Variants in OR1J2 observed in about 807,000 individuals in gnomAD.
OR1J2 encodes the protein olfactory receptor family 1 subfamily J member 2, also known as olfactory receptor 1J2.
For synonymous variants in OR1J2, 142 were observed against 99.7 expected (o/e 1.42, Z -2.52); for missense variants, 304 against 246.1 (o/e 1.24, Z -1.57).
chr9:122,509,572 C>G (rs1187685448), upstream of OR1J2, among the ~76,000 whole-genome samples: 2 of 152,154 alleles, frequency 1.3e-5, no homozygotes, highest in African/African-American at 4.8e-5. Flanking sequence ...GCCAGGGAAT[C>G]ACAAGAAATC....
chr9:122,497,035 G>A, the OR1J2 span, among the ~76,000 whole-genome samples: 1 of 152,092 alleles, frequency 6.6e-6, no homozygotes, highest in Admixed American at 6.6e-5. Flanking sequence ...CTCACACCAT[G>A]TCTCCTTCCC....
the OR1J2 span, among the ~76,000 whole-genome samples, chr9:122,544,656 G>A: frequency 6.6e-6 from 1 of 151,812 alleles, no homozygotes; most frequent in Non-Finnish European, 1.5e-5. Flanking sequence ...CTGACCTCAG[G>A]GATCTGCCCT....
upstream of OR1J2, among the ~76,000 whole-genome samples, chr9:122,508,531 G>A (rs1490287823): frequency 1.3e-5 from 2 of 152,148 alleles, no homozygotes; most frequent in African/African-American, 4.8e-5. Flanking sequence ...TTGTAGGAGA[G>A]GGATGGCATA....
the OR1J2 span, chr9:122,477,107 C>T: frequency 6.1e-5 from 99 of 1,613,628 alleles, no homozygotes; most frequent in Non-Finnish European, 8.3e-5. Flanking sequence ...ATCACTGAAG[C>T]AATTATGTTC....
chr9:122,455,625 T>G, the OR1J2 span, among the ~76,000 whole-genome samples: 1 of 152,310 alleles, frequency 6.6e-6, no homozygotes, highest in Non-Finnish European at 1.5e-5. Flanking sequence ...AGACATATGG[T>G]TTACAAATAT....
chr9:122,448,437 G>A, the OR1J2 span, among the ~76,000 whole-genome samples: 2,638 of 152,168 alleles, frequency 0.017, 36 homozygotes, highest in South Asian at 0.028. Context: ...GGCAGGAGAC[G>A]GAGGCCTTCC....
At chr9:122,579,588 A>C in the OR1J2 span, among the ~76,000 whole-genome samples, 8 of 152,192 alleles carry the variant, frequency 5.3e-5, no homozygotes, top group Non-Finnish European at 1.2e-4. Flanking sequence ...TAAGTACTTC[A>C]AAAAGAGAAT....
chr9:122,566,413 G>A, the OR1J2 span, among the ~76,000 whole-genome samples: 1 of 152,070 alleles, frequency 6.6e-6, no homozygotes, highest in East Asian at 1.9e-4. Flanking sequence ...TTACCCCAGT[G>A]GCTACACACA....
the OR1J2 span, chr9:122,568,795 G>A: frequency 4.3e-6 from 1 of 230,738 alleles, no homozygotes; most frequent in Non-Finnish European, 8.4e-6. Context: ...TCACCTGCCG[G>A]GGACATAGCA....
At chr9:122,547,081 T>A in the OR1J2 span, among the ~76,000 whole-genome samples, 2 of 150,970 alleles carry the variant, frequency 1.3e-5, no homozygotes, top group South Asian at 2.1e-4. Flanking sequence ...ATAATTTTTT[T>A]AAAAAGAATA....
the OR1J2 span, chr9:122,527,119 A>G: frequency 6.2e-7 from 1 of 1,614,226 alleles, no homozygotes. Context: ...GCCAAGAAAA[A>G]GTACATGGGG....
the OR1J2 span, among the ~76,000 whole-genome samples, chr9:122,502,949 T>C: frequency 6.6e-6 from 1 of 152,200 alleles, no homozygotes; most frequent in East Asian, 1.9e-4. Context: ...TACCTTATAA[T>C]GGTCATTGGT....
chr9:122,525,977 G>T, the OR1J2 span, among the ~76,000 whole-genome samples: 1 of 152,076 alleles, frequency 6.6e-6, no homozygotes, highest in Non-Finnish European at 1.5e-5. Context: ...CATAACCCTA[G>T]CACTTACAAT....
the OR1J2 span, among the ~76,000 whole-genome samples, chr9:122,451,152 CATTATTATTATTATTATTATT>C: frequency 2.2e-5 from 3 of 137,574 alleles, no homozygotes; most frequent in African/African-American, 5.4e-5. Flanking sequence ...CTATCACCTG[CATTATTATTATTATTATTATT>C]ATTATTATTA....
chr9:122,545,468 T>C, the OR1J2 span, among the ~76,000 whole-genome samples: 1 of 152,168 alleles, frequency 6.6e-6, no homozygotes, highest in Non-Finnish European at 1.5e-5. Flanking sequence ...TTAATTCTTT[T>C]AGTTTTTGAT....
the OR1J2 span, among the ~76,000 whole-genome samples, chr9:122,457,196 TAAC>T: frequency 4.0e-5 from 6 of 151,822 alleles, no homozygotes; most frequent in African/African-American, 7.3e-5. Flanking sequence ...AGGGAGGGAA[TAAC>T]ACACACTGGG....
the OR1J2 span, among the ~76,000 whole-genome samples, chr9:122,493,976 A>G: frequency 2.6e-5 from 4 of 152,132 alleles, no homozygotes; most frequent in Admixed American, 6.5e-5. Context: ...TAATTTCCAT[A>G]TATTTGCATG....
chr9:122,478,131 T>C, the OR1J2 span, among the ~76,000 whole-genome samples: 95 of 152,368 alleles, frequency 6.2e-4, no homozygotes, highest in African/African-American at 2.2e-3. Context: ...CTACTTTCTT[T>C]CTGAATCTGG....
the OR1J2 span, chr9:122,475,770 G>T: frequency 1.3e-5 from 2 of 152,160 alleles, no homozygotes; most frequent in South Asian, 4.1e-4. Flanking sequence ...ATCAGAACAA[G>T]ATAAAACCTT....
Sources: gnomAD v4.1 joint callset for allele counts (sites outside exome capture counted in the v4.1 genomes callset) on GRCh38, gnomAD v4.1.1 for gene constraint, MANE v1.5 for transcripts, NCBI Gene and HGNC (gene_info 2026-07-23, HGNC 2026-07-21) for gene names.